DPP10: variants seen among roughly 807,000 people sequenced by gnomAD.
DPP10 encodes the protein inactive dipeptidyl peptidase 10.
A neutral mutation model predicts 120.9 loss-of-function variants in DPP10; 33 were observed. That is an observed-to-expected ratio of 0.27 (90% CI 0.21 to 0.37). The LOEUF is 0.37. DPP10 is among the 10% of genes least tolerant of loss of function. The pLI is 1.00. For missense variants in DPP10, 816 were observed against 942.8 expected, an observed-to-expected ratio of 0.87 and a Z score of 1.76; for synonymous variants, 337 against 326.1, an observed-to-expected ratio of 1.03 and a Z score of -0.36.
chr2:115,238,120 A>G (rs2058089277), intron 1 of DPP10, among the ~76,000 whole-genome samples: 1 of 152,206 alleles, frequency 6.6e-6, no homozygotes, highest in African/African-American at 2.4e-5. Context: ...AAAGCTTCAA[A>G]GGACAGGCTG....
At chr2:114,722,645 G>C (rs1000837049) in intron 1 of DPP10, among the ~76,000 whole-genome samples, 1 of 151,584 alleles carries the variant, frequency 6.6e-6, no homozygotes, top group African/African-American at 2.4e-5. Context: ...GCGTGGTGGC[G>C]GGAGCCTGTA....
chr2:115,556,700 C>T (rs1173841597), intron 5 of DPP10, among the ~76,000 whole-genome samples: 1 of 152,108 alleles, frequency 6.6e-6, no homozygotes, highest in African/African-American at 2.4e-5. Context: ...TCTATAAGGA[C>T]ATTCTGGTGA....
At chr2:115,124,575 C>A (rs191671802) in intron 1 of DPP10, among the ~76,000 whole-genome samples, 2 of 152,288 alleles carry the variant, frequency 1.3e-5, no homozygotes, top group Non-Finnish European at 2.9e-5. Context: ...TTTCTCAGGG[C>A]CATTTACTAT....
chr2:115,181,335 A>G (rs985974600), intron 1 of DPP10, among the ~76,000 whole-genome samples: 2 of 152,106 alleles, frequency 1.3e-5, no homozygotes, highest in African/African-American at 4.8e-5. Flanking sequence ...TAAAACAACG[A>G]TTTTATTTCT....
chr2:114,789,717 C>T (rs184517948), intron 1 of DPP10, among the ~76,000 whole-genome samples: 12 of 152,244 alleles, frequency 7.9e-5, no homozygotes, highest in Non-Finnish European at 1.3e-4. Context: ...TAAATAAATA[C>T]ATTGATTAAT....
At chr2:115,036,839 TA>T in intron 1 of DPP10, among the ~76,000 whole-genome samples, 1 of 152,340 alleles carries the variant, frequency 6.6e-6, no homozygotes, top group East Asian at 1.9e-4. Context: ...ATTTCTGCAT[TA>T]GAATCGAATT....
At chr2:114,637,523 A>G (rs764854092) in intron 1 of DPP10, among the ~76,000 whole-genome samples, 7 of 151,806 alleles carry the variant, frequency 4.6e-5, no homozygotes, top group Non-Finnish European at 1.0e-4. Flanking sequence ...TTTTTGTTTC[A>G]GTTGCTTTTG....
intron 5 of DPP10, among the ~76,000 whole-genome samples, chr2:115,529,574 A>G (rs1199675343): frequency 6.6e-6 from 1 of 152,142 alleles, no homozygotes; most frequent in Admixed American, 6.6e-5. Flanking sequence ...AAAAAGATTT[A>G]AGTATGCATT....
chr2:114,959,943 G>A (rs998777422), intron 1 of DPP10, among the ~76,000 whole-genome samples: 5 of 152,196 alleles, frequency 3.3e-5, no homozygotes, highest in South Asian at 2.1e-4. Flanking sequence ...CAAGTTGTGA[G>A]ACACCAGCAG....
At chr2:115,250,920 C>T (rs1343779710) in intron 1 of DPP10, among the ~76,000 whole-genome samples, 1 of 152,160 alleles carries the variant, frequency 6.6e-6, no homozygotes, top group African/African-American at 2.4e-5. Context: ...TTTTATGCCA[C>T]TGGAAAATGT....
intron 5 of DPP10, among the ~76,000 whole-genome samples, chr2:115,638,588 G>A (rs2086538904): frequency 6.6e-6 from 1 of 152,176 alleles, no homozygotes; most frequent in Admixed American, 6.6e-5. Flanking sequence ...AGAAATGCCT[G>A]GAGGATTCTG....
intron 5 of DPP10, among the ~76,000 whole-genome samples, chr2:115,611,262 C>T (rs971991747): frequency 2.6e-5 from 4 of 152,150 alleles, no homozygotes; most frequent in Non-Finnish European, 4.4e-5. Flanking sequence ...GTATTTTCCT[C>T]CTGGATACAT....
intron 1 of DPP10, among the ~76,000 whole-genome samples, chr2:114,706,301 G>A (rs1380558274): frequency 6.6e-6 from 1 of 152,138 alleles, no homozygotes; most frequent in African/African-American, 2.4e-5. Flanking sequence ...TCTTGTATTG[G>A]CACCCAAGTT....
At chr2:115,239,179 C>T (rs1310037762) in intron 1 of DPP10, among the ~76,000 whole-genome samples, 1 of 152,274 alleles carries the variant, frequency 6.6e-6, no homozygotes, top group East Asian at 1.9e-4. Context: ...CAGACATATC[C>T]AGGATCAATA....
intron 5 of DPP10, among the ~76,000 whole-genome samples, chr2:115,666,007 A>G (rs896075662): frequency 2.0e-5 from 3 of 152,130 alleles, no homozygotes; most frequent in African/African-American, 7.2e-5. Flanking sequence ...TAATAAGCAT[A>G]GTACCCAACA....
At chr2:115,056,318 C>G (rs1206729017) in intron 1 of DPP10, among the ~76,000 whole-genome samples, 1 of 152,074 alleles carries the variant, frequency 6.6e-6, no homozygotes, top group Non-Finnish European at 1.5e-5. Context: ...TGTGTAGGGT[C>G]TGGTAAACAT....
intron 3 of DPP10, among the ~76,000 whole-genome samples, chr2:115,488,894 AAAAAAAT>A (rs1413864007): frequency 6.8e-6 from 1 of 146,592 alleles, no homozygotes; most frequent in Non-Finnish European, 1.5e-5. Context: ...AAAAAAAAAA[AAAAAAAT>A]ATGTATCTCT....
At chr2:114,461,206 A>G (rs1332140460) in intron 1 of DPP10, among the ~76,000 whole-genome samples, 2 of 152,194 alleles carry the variant, frequency 1.3e-5, no homozygotes, top group East Asian at 3.8e-4. Flanking sequence ...TGAGTTCCAT[A>G]TGATTTTCAG....
chr2:115,776,207 T>C (rs1682073920), intron 13 of DPP10, among the ~76,000 whole-genome samples: 1 of 152,128 alleles, frequency 6.6e-6, no homozygotes, highest in African/African-American at 2.4e-5. Flanking sequence ...AAGGTGCAGG[T>C]GTGTTACATA....
Sources: gnomAD v4.1 joint callset for allele counts (sites outside exome capture counted in the v4.1 genomes callset) on GRCh38, gnomAD v4.1.1 for gene constraint, MANE v1.5 for transcripts, NCBI Gene and HGNC (gene_info 2026-07-23, HGNC 2026-07-21) for gene names.